The following BPIFB4 variants were observed in gnomAD, a reference collection of about 807,000 sequenced individuals.
The protein encoded by BPIFB4 is BPI fold-containing family B member 4.
A neutral mutation model predicts 69.2 loss-of-function variants in BPIFB4; 62 were observed. That is an observed-to-expected ratio of 0.90 (90% confidence interval 0.73 to 1.11). BPIFB4 has a LOEUF of 1.11. Among genes scored for constraint, BPIFB4 ranks in the 50% least tolerant of loss-of-function variants. BPIFB4 has a pLI of 0.00. For synonymous variants in BPIFB4, 330 were observed against 332.7 expected (o/e 0.99, Z 0.09); for missense variants, 789 against 792.0 (o/e 1.00, Z 0.04).
In BPIFB4 at chr20:33,081,609, T is replaced by G. The variant is rs755847159; in HGVS notation, c.83T>G (p.Val28Gly). 2 of 1,551,642 alleles carry G rather than the reference T, an allele frequency of 1.3e-6. 1 individual carries two copies. The highest frequency in any genetic ancestry group is 2.4e-5 in the South Asian group (2 of 84,060). ...CACGAGACAAACACGGTCCTCAGGGTGACGAAAGATGTGTTGAGCAATGGT... is the reference window on the plus strand; with the variant it reads ...CACGAGACAAACACGGTCCTCAGGGGGACGAAAGATGTGTTGAGCAATGGT... Reference protein sequence around the residue: ...TSHETNTVLRVTKDVLSNAIS... With the variant: ...TSHETNTVLRGTKDVLSNAIS... The change falls in exon 3 of 18, where the codon GTG (valine) becomes GGG (glycine). Residue 28 changes from valine to glycine, a missense_variant. Coordinates refer to ENST00000375483, the MANE Select transcript of BPIFB4 (RefSeq NM_182519.3).
At chr20:33,093,338 T>A (rs954738545) in intron 11 of BPIFB4, among the ~76,000 whole-genome samples, 3 of 148,394 alleles carry the variant, frequency 2.0e-5, no homozygotes, top group African/African-American at 7.4e-5. Context: ...TGTATATCCA[T>A]CTATTTATCC....
rs370665549 is a variant in BPIFB4 at position 33,105,526 on chromosome 20, C to T, written c.1744+653C>T. Among the ~76,000 whole-genome samples the T allele has an allele frequency of 2.0e-5, 3 of 152,246 alleles. No individual in the cohort carries two copies. The South Asian group carries it at 6.2e-4, about 32-fold the overall frequency. The stretch of plus-strand genomic sequence containing the variant: ...CGTCTCAGGAATGTTACTGGGAAGG[C>T]TGCTTGTTGAACTATGGGGGTCATT... On this transcript the variant is annotated intron_variant, in intron 16 of 17. Transcript: ENST00000375483.
intron 10 of BPIFB4, among the ~76,000 whole-genome samples, chr20:33,091,773 G>A (rs998009043): frequency 6.6e-6 from 1 of 152,232 alleles, no homozygotes; most frequent in Non-Finnish European, 1.5e-5. Flanking sequence ...GAATGTTTTG[G>A]AGGGGACAGG....
At chr20:33,092,330 C>T (rs1333942043) in intron 10 of BPIFB4, 128 bp from the exon 11 acceptor site, 2 of 715,022 alleles carry the variant, frequency 2.8e-6, no homozygotes, top group African/African-American at 3.6e-5. Context: ...ATCAAAGAGC[C>T]ACTCAGACTC....
intron 8 of BPIFB4, 84 bp downstream of exon 8, chr20:33,089,113 G>T (rs111740143): frequency 6.3e-7 from 1 of 1,598,606 alleles, no homozygotes; most frequent in Non-Finnish European, 8.5e-7. Flanking sequence ...ATCCCTGGGG[G>T]CCTGCAGGTA....
intron 12 of BPIFB4, among the ~76,000 whole-genome samples, chr20:33,096,370 G>C (rs1283693743): frequency 6.6e-6 from 1 of 152,176 alleles, no homozygotes; most frequent in Non-Finnish European, 1.5e-5. Flanking sequence ...CTGCCTCCCT[G>C]GTTCAAGCAA....
chr20:33,103,984 T>C (rs1482945766), intron 15 of BPIFB4, among the ~76,000 whole-genome samples: 1 of 152,168 alleles, frequency 6.6e-6, no homozygotes, highest in Non-Finnish European at 1.5e-5. Flanking sequence ...AATGAGGTTT[T>C]CTCATTTAAT....
Position 33,111,617 on chromosome 20 carries a change from G to A in BPIFB4, c.*180G>A. 2.9e-6 allele frequency: 2 copies of A among 699,896 alleles called. No individual in the cohort carries two copies. Among genetic ancestry groups the A allele is most frequent in the African/African-American group, 1.8e-5 (1 of 56,342 alleles). 43.4% of individuals were successfully genotyped at this position (699,896 alleles called of 1,614,324 possible). ...TGAGAAAGGGTCCAGCCACTACCCTGTTGGCAAACATTCCCTTCCATGGTC... is the reference window on the plus strand; with the variant it reads ...TGAGAAAGGGTCCAGCCACTACCCTATTGGCAAACATTCCCTTCCATGGTC... On this transcript the variant is annotated 3_prime_UTR_variant, in exon 18 of 18. Transcript: ENST00000375483.
intron 8 of BPIFB4, 104 bp downstream of exon 8, chr20:33,089,133 G>C: frequency 6.4e-7 from 1 of 1,557,894 alleles, no homozygotes; most frequent in Non-Finnish European, 8.8e-7. Flanking sequence ...AACCCAGAGG[G>C]ACAGAGAGAG....
Position 33,083,035 on chromosome 20 carries a change from G to T in BPIFB4, c.169+35G>T, listed in dbSNP as rs760800818. The T allele has an allele frequency of 3.1e-6, 5 of 1,588,248 alleles. No homozygotes were observed. The South Asian group carries it at 5.5e-5, about 18-fold the overall frequency. ...GTGGTGATGGTGGTGGGCCTCTCCT[G>T]GGCGGTCTGCTTGGTGGAAGTGGAA... is the stretch of plus-strand genomic sequence containing the variant. On this transcript the variant is annotated intron_variant, in intron 4 of 17. Coordinates refer to ENST00000375483, the MANE Select transcript of BPIFB4 (RefSeq NM_182519.3).
intron 10 of BPIFB4, among the ~76,000 whole-genome samples, chr20:33,092,059 G>A (rs1981614987): frequency 6.6e-6 from 1 of 152,186 alleles, no homozygotes; most frequent in African/African-American, 2.4e-5. Context: ...CTGTGTAGCG[G>A]GAAGGTGAGA....
At chr20:33,095,223 A>C (rs1981723603) in intron 12 of BPIFB4, 70 bp downstream of exon 12, 3 of 1,485,128 alleles carry the variant, frequency 2.0e-6, no homozygotes, top group African/African-American at 1.4e-5. Context: ...CTGGATTGGA[A>C]GGGAAGATGC....
At chr20:33,101,072 A>G (rs765460584) in intron 14 of BPIFB4, among the ~76,000 whole-genome samples, 3 of 152,020 alleles carry the variant, frequency 2.0e-5, no homozygotes, top group Non-Finnish European at 4.4e-5. Context: ...GATGAGGAGG[A>G]GGACGAGGAG....
In BPIFB4 at chr20:33,085,001, G is replaced by A. The variant is rs779370002; in HGVS notation, c.782+5G>A. Reference sequence around the variant, plus strand: ...TGTGGCCATCAACGGGAAGAGGTGCGTGCCCTTGGCCCTGGAGGGGTCCCC... The same window carrying A: ...TGTGGCCATCAACGGGAAGAGGTGCATGCCCTTGGCCCTGGAGGGGTCCCC... On this transcript the variant is annotated splice_donor_5th_base_variant and intron_variant, in intron 6 of 17. Coordinates refer to ENST00000375483, the MANE Select transcript of BPIFB4 (RefSeq NM_182519.3). The A allele has an allele frequency of 5.1e-5, 82 of 1,610,410 alleles. 3 individuals are homozygous for A. In the South Asian group the frequency reaches 6.8e-4, roughly 13 times the overall value.
intron 14 of BPIFB4, 86 bp downstream of exon 14, chr20:33,100,579 G>A: frequency 7.7e-7 from 1 of 1,295,580 alleles, no homozygotes; most frequent in Non-Finnish European, 1.1e-6. Context: ...GGTCTCCTGT[G>A]TGGCCATCAG....
At chr20:33,088,008 G>A (rs1295998985) in intron 7 of BPIFB4, among the ~76,000 whole-genome samples, 3 of 152,176 alleles carry the variant, frequency 2.0e-5, no homozygotes, top group African/African-American at 7.2e-5. Context: ...GAGGGACGGA[G>A]TGAAGTTCTC....
chr20:33,097,632 C>G lies in BPIFB4; in HGVS notation c.1414C>G (p.Pro472Ala), dbSNP rs1981791611. The G allele has an allele frequency of 1.9e-6, 3 of 1,613,854 alleles. No individual in the cohort carries two copies. The highest frequency in any genetic ancestry group is 2.5e-6 in the Non-Finnish European group (3 of 1,179,920). Residue 472 changes from proline to alanine, a missense_variant, in exon 13 of 18, where the codon CCC becomes GCC. Coordinates refer to ENST00000375483, the MANE Select transcript of BPIFB4 (RefSeq NM_182519.3). ...ALIPKVFQQY[P>A]ESCPLIIRIQ... is the part of the protein sequence containing the mutation. ...CTGCCCACAGGTGTTCCAGCAGTAC[C>G]CCGAGTCCTGCCCACTTATCATCAG...
chr20:33,081,405 G>A (rs1981224017), intron 2 of BPIFB4, 107 bp from the exon 3 acceptor site: 2 of 1,463,714 alleles, frequency 1.4e-6, no homozygotes, highest in Non-Finnish European at 1.8e-6. Flanking sequence ...CCCTCTCTCT[G>A]GGTCCCAGGG....
At chr20:33,090,908 A>C in intron 10 of BPIFB4, 109 bp downstream of exon 10, 2 of 1,313,654 alleles carry the variant, frequency 1.5e-6, no homozygotes, top group Non-Finnish European at 2.1e-6. Context: ...GTAACACTTG[A>C]CAGGACCCTC....
Sources: gnomAD v4.1 joint callset for allele counts (sites outside exome capture counted in the v4.1 genomes callset) on GRCh38, gnomAD v4.1.1 for gene constraint, MANE v1.5 for transcripts, NCBI Gene and HGNC (gene_info 2026-07-23, HGNC 2026-07-21) for gene names.